FKBP6: variants seen among roughly 807,000 people sequenced by gnomAD.
The protein encoded by FKBP6 is inactive peptidyl-prolyl cis-trans isomerase FKBP6.
A neutral mutation model predicts 41.7 loss-of-function variants in FKBP6; 29 were observed. The ratio of observed to expected loss-of-function variants is 0.70; its 90% CI spans 0.52 to 0.95. The LOEUF is 0.95. Among genes scored for constraint, FKBP6 ranks in the 40% least tolerant of loss-of-function variants. The probability of loss-of-function intolerance (pLI) is 0.00; values close to 1 mark genes in which losing one functional copy is unlikely to be tolerated. For missense variants in FKBP6, 338 were observed against 408.7 expected (o/e 0.83, Z 1.49); for synonymous variants, 130 against 165.1 (o/e 0.79, Z 1.63).
chr7:73,341,218 C>T, intron 6 of FKBP6, 55 bp from the exon 7 acceptor site: 2 of 1,275,286 alleles, frequency 1.6e-6, no homozygotes, highest in Non-Finnish European at 2.3e-6. Context: ...GCCACCGTGC[C>T]CAGCCAAATG....
chr7:73,354,115 A>G (rs1805564460), intron 8 of FKBP6, among the ~76,000 whole-genome samples: 1 of 152,204 alleles, frequency 6.6e-6, no homozygotes, highest in Non-Finnish European at 1.5e-5. Context: ...GAAGTGCAGC[A>G]GAGCCATGCT....
chr7:73,344,244 T>TC (rs1314645895), intron 8 of FKBP6, among the ~76,000 whole-genome samples: 1 of 152,196 alleles, frequency 6.6e-6, no homozygotes, highest in African/African-American at 2.4e-5. Flanking sequence ...TCTGCCAGGG[T>TC]CCATCCCAGA....
chr7:73,336,899 A>G (rs1382340558), intron 5 of FKBP6: 4 of 441,112 alleles, frequency 9.1e-6, no homozygotes, highest in South Asian at 4.7e-5. Flanking sequence ...GACGTTGTAT[A>G]TGATGAAGTT....
intron 2 of FKBP6, among the ~76,000 whole-genome samples, chr7:73,328,950 C>G (rs1176249099): frequency 1.3e-5 from 2 of 151,934 alleles, no homozygotes; most frequent in African/African-American, 4.8e-5. Context: ...GATTTACAGG[C>G]GCGATCCACC....
At position 73,328,185 on chromosome 7, in the gene FKBP6, C is replaced by G; in HGVS notation, c.-244C>G. 1 of 1,545,194 alleles carries G rather than the reference C, an allele frequency of 6.5e-7. No homozygotes were observed. The highest frequency in any genetic ancestry group is 8.7e-7 in the Non-Finnish European group (1 of 1,143,552). ...CATCATGTTTCGTGCGCTCCCATTA[C>G]GGATCATACCTCGCACCTCACCGCG... is the stretch of plus-strand genomic sequence containing the variant. On this transcript the variant is annotated 5_prime_UTR_variant, in exon 1 of 9. Coordinates refer to ENST00000252037, the MANE Select transcript of FKBP6 (RefSeq NM_003602.5).
intron 2 of FKBP6, 25 bp downstream of exon 2, chr7:73,328,717 C>G: frequency 1.9e-6 from 3 of 1,611,992 alleles, no homozygotes; most frequent in Non-Finnish European, 2.5e-6. Flanking sequence ...GGTTTGTCCT[C>G]AGGATCCATG....
intron 8 of FKBP6, among the ~76,000 whole-genome samples, chr7:73,349,518 A>G (rs1201367911): frequency 2.8e-5 from 4 of 142,356 alleles, no homozygotes; most frequent in African/African-American, 1.1e-4. Context: ...CCTGGCCAAC[A>G]TGGTGAAACC....
At chr7:73,340,473 G>C (rs936239226) in intron 5 of FKBP6, among the ~76,000 whole-genome samples, 165 bp from the exon 6 acceptor site, 2 of 152,140 alleles carry the variant, frequency 1.3e-5, no homozygotes, top group African/African-American at 4.8e-5. Context: ...GACTCCGTCT[G>C]AAAAAAGAAG....
At chr7:73,331,548 A>C in intron 4 of FKBP6, 109 bp from the exon 5 acceptor site, 1 of 1,035,054 alleles carries the variant, frequency 9.7e-7, no homozygotes, top group Non-Finnish European at 1.5e-6. Context: ...TGTTCTCACT[A>C]TGTTGCCCAG....
intron 8 of FKBP6, among the ~76,000 whole-genome samples, chr7:73,356,333 G>A (rs1003986428): frequency 1.3e-5 from 2 of 152,092 alleles, no homozygotes; most frequent in African/African-American, 4.8e-5. Context: ...CTATCCTCAC[G>A]CCTGACTTTC....
At chr7:73,335,202 C>T (rs1228396794) in intron 5 of FKBP6, among the ~76,000 whole-genome samples, 1 of 151,516 alleles carries the variant, frequency 6.6e-6, no homozygotes, top group Admixed American at 6.6e-5. Context: ...GGCAGGAGGC[C>T]ACCTCTTTCA....
chr7:73,333,440 C>T lies in FKBP6; in HGVS notation c.588+1664C>T, dbSNP rs564163669. ...TACTAATTAAAAAACTACATCTTCCCAGCTTCCCATGAGCTTAGGGTGTCC... is the reference window on the plus strand; with the variant it reads ...TACTAATTAAAAAACTACATCTTCCTAGCTTCCCATGAGCTTAGGGTGTCC... On this transcript the variant is annotated intron_variant, in intron 5 of 8. Transcript: ENST00000252037. 4.6e-5 allele frequency among the ~76,000 whole-genome samples: 7 copies of T among 152,328 alleles called. No homozygotes were observed. In the South Asian group the frequency reaches 1.5e-3, roughly 32 times the overall value.
rs1478141113 is a variant in FKBP6, at chr7:73,330,205, G to A, written c.321G>A (p.Leu107=). ...TTCTGAGCATGCGGAGAGGAGAGCT[G>A]GCCAGGTTTCTGTTCAAACCGAACT... ...LGLLSMRRGE[L]ARFLFKPNYA... Residue 107 remains leucine, a synonymous_variant, in exon 4 of 9, where the codon CTG becomes CTA. Coordinates refer to ENST00000252037, the MANE Select transcript of FKBP6 (RefSeq NM_003602.5). The A allele has an allele frequency of 6.2e-7, 1 of 1,613,870 alleles. No individual in the cohort carries two copies. The highest frequency in any genetic ancestry group is 2.2e-5 in the East Asian group (1 of 44,900).
Position 73,328,366 on chromosome 7 carries a change from G to A in FKBP6, c.-63G>A. The A allele has an allele frequency of 1.3e-6, 2 of 1,567,266 alleles. No homozygotes were observed. The highest frequency in any genetic ancestry group is 2.3e-5 in the South Asian group (2 of 85,362). On this transcript the variant is annotated 5_prime_UTR_variant, in exon 1 of 9. Coordinates refer to ENST00000252037, the MANE Select transcript of FKBP6 (RefSeq NM_003602.5). ...CCTTCGGAACCCCACCAGAGTCACA[G>A]CCAGGGAGGGCAGCGGGGCGCACCA...
At chr7:73,341,204 A>T in intron 6 of FKBP6, 69 bp from the exon 7 acceptor site, 2 of 1,095,682 alleles carry the variant, frequency 1.8e-6, no homozygotes, top group Non-Finnish European at 2.8e-6. Context: ...GATTACAGGC[A>T]TGAGCCACCG....
chr7:73,358,058 C>T (rs1554552212), intron 8 of FKBP6, 123 bp from the exon 9 acceptor site: 1 of 151,860 alleles, frequency 6.6e-6, no homozygotes. Context: ...TCTCTTGGCT[C>T]CTGTGTGGTC....
Position 73,337,083 on chromosome 7 carries a change from A to C in FKBP6, c.589-3555A>C, listed in dbSNP as rs145916101. On this transcript the variant is annotated intron_variant, in intron 5 of 8. Transcript: ENST00000252037. ...TGTAGAAAACTGTTTCCAGCTGACA[A>C]CTTGCTTCACAATTTCATTTGGGTA... The C allele has an allele frequency of 3.1e-4, 100 of 320,866 alleles. 2 individuals carry two copies. In the East Asian group the frequency reaches 6.8e-3, roughly 22 times the overall value. 19.9% of individuals were successfully genotyped at this position (320,866 alleles called of 1,614,324 possible). A position where few individuals can be genotyped will look rare whatever the true frequency, so the allele number is the denominator to read the frequency against.
intron 5 of FKBP6, among the ~76,000 whole-genome samples, chr7:73,335,176 A>AGGGC (rs1268340295): frequency 6.8e-6 from 1 of 147,936 alleles, no homozygotes; most frequent in Non-Finnish European, 1.5e-5. Context: ...GAAGGAAGGG[A>AGGGC]GGGCAGCTGC....
chr7:73,347,512 G>A (rs1332144341), intron 8 of FKBP6, among the ~76,000 whole-genome samples: 1 of 152,188 alleles, frequency 6.6e-6, no homozygotes, highest in African/African-American at 2.4e-5. Flanking sequence ...ATATTTATCT[G>A]TTGACTTCCT....
Sources: gnomAD v4.1 joint callset for allele counts (sites outside exome capture counted in the v4.1 genomes callset) on GRCh38, gnomAD v4.1.1 for gene constraint, MANE v1.5 for transcripts, NCBI Gene and HGNC (gene_info 2026-07-23, HGNC 2026-07-21) for gene names.